SEMA3A: variants seen among roughly 807,000 people sequenced by gnomAD.
SEMA3A encodes the protein semaphorin 3A, also known as semaphorin-3A.
SEMA3A carries 29 observed loss-of-function variants against 97.9 expected under a neutral mutation model. That is an observed-to-expected ratio of 0.30 (90% CI 0.22 to 0.40). SEMA3A has a LOEUF of 0.40. SEMA3A is among the 10% of genes least tolerant of loss of function. The pLI is 1.00. For synonymous variants in SEMA3A, 321 were observed against 323.7 expected, an observed-to-expected ratio of 0.99 and a Z score of 0.09; for missense variants, 763 against 951.3, an observed-to-expected ratio of 0.80 and a Z score of 2.60.
intron 1 of SEMA3A, among the ~76,000 whole-genome samples, chr7:84,432,586 T>G (rs1185599853): frequency 1.3e-5 from 2 of 152,176 alleles, no homozygotes; most frequent in Non-Finnish European, 2.9e-5. Context: ...GCCATCTTTA[T>G]TTCCATGAGT....
At chr7:83,989,889 CCA>C (rs1374446394) in intron 12 of SEMA3A, among the ~76,000 whole-genome samples, 5 of 151,090 alleles carry the variant, frequency 3.3e-5, no homozygotes, top group African/African-American at 4.9e-5. Context: ...TGAGGAATTA[CCA>C]CACTGACTTC....
intron 2 of SEMA3A, among the ~76,000 whole-genome samples, chr7:84,357,496 T>G (rs1440620046): frequency 2.0e-5 from 3 of 152,148 alleles, no homozygotes; most frequent in Non-Finnish European, 4.4e-5. Flanking sequence ...TAGTATTCCA[T>G]TGTGTATATG....
intron 5 of SEMA3A, among the ~76,000 whole-genome samples, chr7:84,052,151 A>G (rs1420717799): frequency 1.4e-4 from 21 of 152,020 alleles, no homozygotes; most frequent in African/African-American, 4.8e-4. Context: ...ATGTTCATCA[A>G]GGATATTGGT....
intron 1 of SEMA3A, among the ~76,000 whole-genome samples, chr7:84,162,751 C>A (rs772380021): frequency 1.3e-5 from 2 of 152,078 alleles, no homozygotes; most frequent in Non-Finnish European, 2.9e-5. Flanking sequence ...TTCTTAGAAG[C>A]AATACCTTGC....
intron 3 of SEMA3A, among the ~76,000 whole-genome samples, chr7:84,205,279 T>C (rs1161256261): frequency 6.6e-6 from 1 of 152,204 alleles, no homozygotes; most frequent in Non-Finnish European, 1.5e-5. Flanking sequence ...ACAAGTTTTG[T>C]TTCATGCTGT....
intron 15 of SEMA3A, among the ~76,000 whole-genome samples, chr7:83,976,313 G>A (rs1398948732): frequency 6.6e-6 from 1 of 151,894 alleles, no homozygotes; most frequent in Non-Finnish European, 1.5e-5. Flanking sequence ...AGAATAAATG[G>A]CATCAAAAAA....
At position 84,246,726 on chromosome 7, in the gene SEMA3A, A is replaced by G. The variant is rs539950574; in HGVS notation, c.-82-52058T>C. On this transcript the variant is annotated intron_variant, in intron 3 of 3. Coordinates refer to the SEMA3A transcript ENST00000424555. ...TCCTCTTCTCATGGGAGGACAAACT[A>G]TATCATCCTAGAAAATAGCTTGATA... 1.8e-4 allele frequency among the ~76,000 whole-genome samples: 28 copies of G among 152,218 alleles called. No individual in the cohort carries two copies. In the East Asian group the frequency reaches 5.2e-3, roughly 28 times the overall value.
chr7:84,166,546 G>C (rs1477136296), intron 1 of SEMA3A, among the ~76,000 whole-genome samples: 1 of 144,000 alleles, frequency 6.9e-6, no homozygotes, highest in Admixed American at 7.1e-5. Flanking sequence ...ACTCCAGCCT[G>C]GGCAACAAGA....
At chr7:84,475,608 G>T (rs1321225578) in intron 1 of SEMA3A, among the ~76,000 whole-genome samples, 5 of 152,166 alleles carry the variant, frequency 3.3e-5, no homozygotes, top group Non-Finnish European at 5.9e-5. Flanking sequence ...ATGCAACCTG[G>T]TGGTTTAATT....
chr7:84,123,826 T>A (rs9969195), intron 3 of SEMA3A, among the ~76,000 whole-genome samples: 5,226 of 149,720 alleles, frequency 0.035, 114 homozygotes, highest in South Asian at 0.069. Context: ...TATATATATA[T>A]GAGAGAGAGA....
At chr7:84,143,383 G>C (rs1796356351) in intron 1 of SEMA3A, among the ~76,000 whole-genome samples, 1 of 152,138 alleles carries the variant, frequency 6.6e-6, no homozygotes, top group South Asian at 2.1e-4. Flanking sequence ...AGTGAAACTT[G>C]AAACATTTTG....
intron 3 of SEMA3A, among the ~76,000 whole-genome samples, chr7:84,260,039 T>G (rs575799278): frequency 1.3e-5 from 2 of 152,256 alleles, no homozygotes; most frequent in East Asian, 3.9e-4. Context: ...TATACTTTGT[T>G]GCATCTACAA....
At chr7:84,099,515 T>C (rs1315638869) in intron 4 of SEMA3A, among the ~76,000 whole-genome samples, 1 of 152,190 alleles carries the variant, frequency 6.6e-6, no homozygotes, top group Non-Finnish European at 1.5e-5. Context: ...TTGCCTATAG[T>C]AGCTTAATGT....
chr7:84,332,272 T>C (rs1801926477), intron 2 of SEMA3A, among the ~76,000 whole-genome samples: 1 of 152,070 alleles, frequency 6.6e-6, no homozygotes, highest in Non-Finnish European at 1.5e-5. Context: ...CAGAAAAAAA[T>C]AACATTATAT....
intron 4 of SEMA3A, among the ~76,000 whole-genome samples, chr7:84,092,287 A>C (rs1794627163): frequency 6.6e-6 from 1 of 152,162 alleles, no homozygotes; most frequent in African/African-American, 2.4e-5. Context: ...TTTGAAACTC[A>C]AACAGTGGAG....
chr7:83,974,813 A>G (rs2116297589), intron 15 of SEMA3A, among the ~76,000 whole-genome samples: 1 of 152,180 alleles, frequency 6.6e-6, no homozygotes, highest in South Asian at 2.1e-4. Context: ...GGCATTCAAA[A>G]AGGAATATTT....
At chr7:84,425,906 C>T (rs1399834631) in intron 1 of SEMA3A, among the ~76,000 whole-genome samples, 2 of 149,548 alleles carry the variant, frequency 1.3e-5, no homozygotes, top group African/African-American at 4.9e-5. Context: ...GTCTTAAAAA[C>T]GACAGAATAA....
chr7:84,459,129 C>G (rs1383641059), intron 1 of SEMA3A, among the ~76,000 whole-genome samples: 1 of 151,992 alleles, frequency 6.6e-6, no homozygotes, highest in African/African-American at 2.4e-5. Context: ...CCCTAAGGAC[C>G]CATTACTTTT....
chr7:84,301,802 C>A (rs1006150757), intron 3 of SEMA3A, among the ~76,000 whole-genome samples: 2 of 152,086 alleles, frequency 1.3e-5, no homozygotes, highest in South Asian at 4.1e-4. Flanking sequence ...AGCCCTGATG[C>A]GGAATGACAG....
Sources: allele counts gnomAD v4.1 joint callset (sites outside exome capture counted in the v4.1 genomes callset), GRCh38; gene constraint gnomAD v4.1.1; transcripts MANE v1.5; gene names NCBI Gene and HGNC (gene_info 2026-07-23, HGNC 2026-07-21).